Variants in MTR observed in about 807,000 individuals in gnomAD.
The protein encoded by MTR is methionine synthase.
In MTR, 84 loss-of-function variants were observed where a neutral mutation model predicts 154.8. The observed-to-expected ratio is 0.54, with a 90% CI of 0.45 to 0.65. The LOEUF (loss-of-function observed/expected upper bound fraction) is 0.65, where lower values mean the gene tolerates loss of function less well. MTR is among the 30% of genes least tolerant of loss of function. The pLI, the probability that MTR is intolerant of heterozygous loss-of-function variation, is 0.00. For synonymous variants in MTR, 554 were observed against 553.9 expected, an observed-to-expected ratio of 1.00 and a Z score of 0.00; for missense variants, 1,275 against 1,570.2, an observed-to-expected ratio of 0.81 and a Z score of 3.18.
intron 30 of MTR, 90 bp from the exon 31 acceptor site, chr1:236,895,268 C>G: frequency 7.2e-7 from 1 of 1,395,848 alleles, no homozygotes; most frequent in South Asian, 1.2e-5. Flanking sequence ...GGGAGGGTGT[C>G]CTCATGGTTC....
chr1:236,842,161 G>A (rs1490472849), intron 15 of MTR, among the ~76,000 whole-genome samples: 1 of 152,170 alleles, frequency 6.6e-6, no homozygotes, highest in Non-Finnish European at 1.5e-5. Context: ...AAAGTGCTGG[G>A]ATTACAGGCG....
chr1:236,881,652 G>T (rs944607210), intron 25 of MTR, among the ~76,000 whole-genome samples: 3 of 152,148 alleles, frequency 2.0e-5, no homozygotes, highest in African/African-American at 7.2e-5. Flanking sequence ...CTGGTGATCT[G>T]CGAGACTTCC....
intron 25 of MTR, among the ~76,000 whole-genome samples, chr1:236,882,411 G>A (rs1426022080): frequency 5.7e-5 from 8 of 140,886 alleles, no homozygotes; most frequent in Admixed American, 1.4e-4. Flanking sequence ...TTTTTTTTGA[G>A]ACGGATTGTT....
intron 18 of MTR, among the ~76,000 whole-genome samples, chr1:236,857,138 C>T (rs930353849): frequency 6.6e-6 from 1 of 152,208 alleles, no homozygotes; most frequent in African/African-American, 2.4e-5. Context: ...CTAATTTACA[C>T]TCCCATCAGC....
chr1:236,852,411 C>A, intron 16 of MTR, 110 bp from the exon 17 acceptor site: 1 of 822,154 alleles, frequency 1.2e-6, no homozygotes, highest in Non-Finnish European at 2.1e-6. Context: ...CTTTGAACTT[C>A]GGATGCTTTT....
intron 12 of MTR, among the ~76,000 whole-genome samples, chr1:236,829,630 A>G (rs1381205117): frequency 1.3e-5 from 2 of 152,226 alleles, no homozygotes; most frequent in Non-Finnish European, 2.9e-5. Flanking sequence ...CCAAACTGCC[A>G]AGGTGTAATG....
At chr1:236,797,345 T>G (rs1384201733) in intron 1 of MTR, among the ~76,000 whole-genome samples, 2 of 152,196 alleles carry the variant, frequency 1.3e-5, no homozygotes, top group African/African-American at 4.8e-5. Context: ...AAACTAAATG[T>G]GACTTCAGAC....
intron 29 of MTR, 50 bp downstream of exon 29, chr1:236,891,379 A>C (rs1363616073): frequency 1.3e-6 from 2 of 1,549,214 alleles, no homozygotes; most frequent in Non-Finnish European, 1.8e-6. Flanking sequence ...TTGTGAGTTT[A>C]AGCACTACAC....
intron 5 of MTR, chr1:236,811,530 A>T: frequency 2.2e-6 from 1 of 452,148 alleles, no homozygotes; most frequent in South Asian, 1.6e-5. Flanking sequence ...GAGATCAAGC[A>T]AATATGGTTT....
intron 27 of MTR, among the ~76,000 whole-genome samples, chr1:236,887,956 A>G (rs1054923471): frequency 3.9e-5 from 6 of 152,222 alleles, no homozygotes; most frequent in African/African-American, 1.4e-4. Context: ...TAGTTTCTCT[A>G]CTAAGGGGAC....
chr1:236,795,728 T>C lies in MTR; in HGVS notation c.25T>C (p.Ser9Pro), dbSNP rs1358937870. 6.2e-6 allele frequency: 10 copies of C among 1,614,062 alleles called. No individual in the cohort carries two copies. Among genetic ancestry groups the C allele is most frequent in the Non-Finnish European group, 8.5e-6 (10 of 1,180,034 alleles). MSPALQDL[S>P]QPEGLKKTLR... is the part of the protein sequence containing the mutation. ...CATGTCACCCGCGCTCCAAGACCTG[T>C]CGCAACCCGGTAACGCTGCGACCCC... The change falls in exon 1 of 33, where the codon TCG becomes CCG. Residue 9 changes from serine (S) to proline (P), a missense_variant. Transcript: ENST00000366577.
chr1:236,808,442 G>A (rs1661109557), intron 3 of MTR, among the ~76,000 whole-genome samples: 1 of 152,134 alleles, frequency 6.6e-6, no homozygotes, highest in Non-Finnish European at 1.5e-5. Context: ...CATGCTAGAT[G>A]TCTAGGGATT....
At chr1:236,817,832 C>T (rs1019177973) in intron 8 of MTR, among the ~76,000 whole-genome samples, 4 of 152,262 alleles carry the variant, frequency 2.6e-5, no homozygotes, top group Admixed American at 1.3e-4. Context: ...TTGATTGGGC[C>T]TGACGACTAA....
At chr1:236,876,334 T>G (rs1665431190) in intron 24 of MTR, among the ~76,000 whole-genome samples, 1 of 152,186 alleles carries the variant, frequency 6.6e-6, no homozygotes, top group African/African-American at 2.4e-5. Context: ...AAACAGGGTT[T>G]GCGTTTCCAC....
intron 15 of MTR, among the ~76,000 whole-genome samples, 166 bp from the exon 16 acceptor site, chr1:236,850,178 A>G (rs1663815051): frequency 6.6e-6 from 1 of 152,138 alleles, no homozygotes; most frequent in Non-Finnish European, 1.5e-5. Context: ...TGTGAAATCC[A>G]AGCATTGACA....
Position 236,816,478 on chromosome 1 carries a change from G to T in MTR, c.699G>T (p.Gly233=). ...FISGTIVDKS[G]RTLSGQTGEG... ...CAGGGACGATCGTTGATAAAAGTGGGCGGACTCTTTCCGGACAGACAGGAG... is the reference window on the plus strand; with the variant it reads ...CAGGGACGATCGTTGATAAAAGTGGTCGGACTCTTTCCGGACAGACAGGAG... Residue 233 remains glycine, a synonymous_variant, in exon 8 of 33, where the codon GGG becomes GGT. Transcript: ENST00000366577. 1 of 1,614,086 alleles carries T rather than the reference G, an allele frequency of 6.2e-7. No individual in the cohort carries two copies. The highest frequency in any genetic ancestry group is 2.2e-5 in the East Asian group (1 of 44,874).
intron 24 of MTR, among the ~76,000 whole-genome samples, chr1:236,877,539 C>T (rs1441959990): frequency 6.6e-6 from 1 of 152,110 alleles, no homozygotes; most frequent in African/African-American, 2.4e-5. Context: ...CTTCTTTTGC[C>T]CCACATCAGC....
intron 30 of MTR, chr1:236,895,030 C>A: frequency 2.5e-6 from 1 of 402,786 alleles, no homozygotes. Context: ...GAGGAACTAG[C>A]AGCTGTATGG....
chr1:236,851,017 C>T (rs1572262844), intron 16 of MTR, among the ~76,000 whole-genome samples: 1 of 152,190 alleles, frequency 6.6e-6, no homozygotes, highest in East Asian at 1.9e-4. Flanking sequence ...TATGACGCTA[C>T]TCTGTTGCTT....
Sources: gnomAD v4.1 joint callset for allele counts (sites outside exome capture counted in the v4.1 genomes callset) on GRCh38, gnomAD v4.1.1 for gene constraint, MANE v1.5 for transcripts, NCBI Gene and HGNC (gene_info 2026-07-23, HGNC 2026-07-21) for gene names.